Variants in STON2 observed in about 807,000 individuals in gnomAD.
STON2 encodes the protein stonin-2.
Under a neutral mutation model 65.7 loss-of-function variants are expected in STON2, and 29 were observed. The ratio of observed to expected loss-of-function variants is 0.44; its 90% CI spans 0.33 to 0.60. The LOEUF (loss-of-function observed/expected upper bound fraction) is 0.60. Ranked by LOEUF, STON2 falls within the 20% of genes least tolerant of loss-of-function variation. The probability of loss-of-function intolerance (pLI) is 0.03; values close to 1 mark genes in which losing one functional copy is unlikely to be tolerated. For missense variants in STON2, 1,054 were observed against 1,118.1 expected (o/e 0.94, Z 0.82); for synonymous variants, 404 against 414.2 (o/e 0.98, Z 0.30).
intron 4 of STON2, among the ~76,000 whole-genome samples, chr14:81,344,016 G>A (rs185946530): frequency 6.6e-6 from 1 of 152,138 alleles, no homozygotes; most frequent in East Asian, 1.9e-4. Flanking sequence ...GCATTATGCT[G>A]GTGAGAAATT....
intron 5 of STON2, among the ~76,000 whole-genome samples, chr14:81,282,555 A>G (rs1210674165): frequency 6.6e-6 from 1 of 152,214 alleles, no homozygotes; most frequent in African/African-American, 2.4e-5. Context: ...CATTATAGAA[A>G]GTACGTATGT....
At chr14:81,333,316 G>T in intron 4 of STON2, 1 of 633,888 alleles carries the variant, frequency 1.6e-6, no homozygotes, top group Admixed American at 1.9e-5. Context: ...TGAAGTCGTT[G>T]GTTGGTCATG....
chr14:81,363,137 T>C (rs973230058), intron 4 of STON2, among the ~76,000 whole-genome samples: 2 of 152,198 alleles, frequency 1.3e-5, no homozygotes, highest in Admixed American at 6.5e-5. Flanking sequence ...AACTACCCTT[T>C]TTATTTGTGT....
intron 1 of STON2, among the ~76,000 whole-genome samples, chr14:81,435,892 C>A (rs964729513): frequency 6.6e-6 from 1 of 152,176 alleles, no homozygotes; most frequent in Non-Finnish European, 1.5e-5. Flanking sequence ...ACCCCGAAGG[C>A]GGGGCGCGGC....
At chr14:81,382,976 T>C (rs368171799) in intron 3 of STON2, among the ~76,000 whole-genome samples, 53 of 152,300 alleles carry the variant, frequency 3.5e-4, no homozygotes, top group East Asian at 3.5e-3. Flanking sequence ...AGGTTCTTAG[T>C]TGAATGTCCT....
chr14:81,261,790 T>C lies in STON2; in HGVS notation c.*6624A>G. ...TCTGTGCCTCTTCATGCTCACACCA[T>C]TGTTCTGATAGATGATGCCAGTGGA... On this transcript the variant is annotated 3_prime_UTR_variant, in exon 8 of 8. Coordinates refer to ENST00000614646, the MANE Select transcript of STON2 (RefSeq NM_001394390.1). The C allele has an allele frequency of 6.6e-7, 1 of 1,523,566 alleles. No individual in the cohort carries two copies. The allele number at this position is 1,523,566 out of a possible 1,614,324, so 94.4% of individuals were successfully genotyped here.
At chr14:81,274,866 C>T (rs1022559942) in intron 6 of STON2, among the ~76,000 whole-genome samples, 3 of 152,094 alleles carry the variant, frequency 2.0e-5, no homozygotes, top group Admixed American at 6.6e-5. Context: ...GATCGCACCA[C>T]TGCACTTCAG....
chr14:81,313,392 T>C lies in STON2; in HGVS notation c.742+10625A>G, dbSNP rs139180448. ...GCAGCACCTTCTGTCGTTTAGTGAA[T>C]GTTTACTGCATGACTCCTACGTGCA... On this transcript the variant is annotated intron_variant, in intron 5 of 7. Coordinates refer to ENST00000614646, the MANE Select transcript of STON2 (RefSeq NM_001394390.1). 4.7e-4 allele frequency among the ~76,000 whole-genome samples: 71 copies of C among 152,234 alleles called. 5 individuals are homozygous for C. In the East Asian group the frequency reaches 8.1e-3, roughly 17 times the overall value.
chr14:81,404,254 C>T (rs1349971356), upstream of STON2, among the ~76,000 whole-genome samples: 1 of 152,274 alleles, frequency 6.6e-6, no homozygotes, highest in South Asian at 2.1e-4. Context: ...AGACACTAGA[C>T]ATAGGGACTA....
chr14:81,350,535 C>T (rs1897984993), intron 4 of STON2, among the ~76,000 whole-genome samples: 2 of 151,810 alleles, frequency 1.3e-5, no homozygotes, highest in South Asian at 4.1e-4. Context: ...TCAGTTGTGC[C>T]CAGCCAATCT....
At chr14:81,292,932 T>A (rs1437793381) in intron 5 of STON2, among the ~76,000 whole-genome samples, 2 of 152,210 alleles carry the variant, frequency 1.3e-5, no homozygotes, top group Non-Finnish European at 2.9e-5. Context: ...CTTCTCTGCA[T>A]CCCTCCGCAC....
chr14:81,359,384 A>G (rs1041659911), intron 4 of STON2, among the ~76,000 whole-genome samples: 1 of 152,238 alleles, frequency 6.6e-6, no homozygotes, highest in Non-Finnish European at 1.5e-5. Flanking sequence ...TGGCAAAGAC[A>G]GTTCTAAGAG....
At position 81,277,848 on chromosome 14, in the gene STON2, T is replaced by C. The variant is rs1246192049; in HGVS notation, c.1634A>G (p.Gln545Arg). 1 of 1,614,116 alleles carries C rather than the reference T, an allele frequency of 6.2e-7. No individual in the cohort carries two copies. The highest frequency in any genetic ancestry group is 2.2e-5 in the East Asian group (1 of 44,894). ...GATTCTGCCATTCTCATCATAGTTT[T>C]GAAGCCGGGGTTCTGAAATCTCATG... ...ICHEISEPRL[Q>R]NYDENGRIHS... The change falls in exon 6 of 8, where the codon CAA (glutamine) becomes CGA (arginine). Residue 545 changes from glutamine to arginine, a missense_variant. By Grantham distance (43) the Gln-to-Arg change is conservative. Coordinates refer to ENST00000614646, the MANE Select transcript of STON2 (RefSeq NM_001394390.1).
intron 3 of STON2, among the ~76,000 whole-genome samples, chr14:81,389,189 A>C (rs536137201): frequency 6.6e-6 from 1 of 152,264 alleles, no homozygotes; most frequent in Non-Finnish European, 1.5e-5. Context: ...TATAGGAAAG[A>C]GTCAGTTTGC....
chr14:81,295,541 A>G (rs1895730671), intron 5 of STON2, among the ~76,000 whole-genome samples: 1 of 152,160 alleles, frequency 6.6e-6, no homozygotes, highest in African/African-American at 2.4e-5. Flanking sequence ...TAAATCAAGT[A>G]ACCACAGAAT....
chr14:81,321,910 T>C (rs772743573), intron 5 of STON2, among the ~76,000 whole-genome samples: 4 of 152,190 alleles, frequency 2.6e-5, no homozygotes, highest in Non-Finnish European at 5.9e-5. Flanking sequence ...CAAGGCCCTT[T>C]GATTTGGTCA....
chr14:81,341,998 C>T (rs1285727823), intron 4 of STON2, among the ~76,000 whole-genome samples: 1 of 152,176 alleles, frequency 6.6e-6, no homozygotes, highest in Non-Finnish European at 1.5e-5. Flanking sequence ...CATTCACAGG[C>T]ACTGATCTAG....
In STON2 at chr14:81,264,500, A is replaced by C; in HGVS notation, c.*3914T>G. On this transcript the variant is annotated 3_prime_UTR_variant, in exon 8 of 8. Coordinates refer to ENST00000614646, the MANE Select transcript of STON2 (RefSeq NM_001394390.1). ...CAAGCATTTAAGGTGGCTGAACCCT[A>C]TTATATTCCAAGCTTTGTGCTAGGT... The C allele has an allele frequency of 2.0e-6, 2 of 985,416 alleles. No individual in the cohort carries two copies. Among genetic ancestry groups the C allele is most frequent in the Non-Finnish European group, 2.4e-6 (2 of 829,920 alleles). The allele number at this position is 985,416 out of a possible 1,614,324, so 61.0% of individuals were successfully genotyped here. A position where few individuals can be genotyped will look rare whatever the true frequency, so the allele number is the denominator to read the frequency against.
chr14:81,423,958 G>A (rs1365374011), intron 2 of STON2, among the ~76,000 whole-genome samples: 2 of 152,146 alleles, frequency 1.3e-5, no homozygotes, highest in African/African-American at 4.8e-5. Flanking sequence ...TGGAGTCTGA[G>A]GTTTTGATAC....
Sources: gnomAD v4.1 joint callset for allele counts (sites outside exome capture counted in the v4.1 genomes callset) on GRCh38, gnomAD v4.1.1 for gene constraint, MANE v1.5 for transcripts, NCBI Gene and HGNC (gene_info 2026-07-23, HGNC 2026-07-21) for gene names.